Variants in COX15 observed in about 807,000 individuals in gnomAD.
COX15 encodes the protein heme A synthase COX15.
COX15 carries 51 observed loss-of-function variants against 51.9 expected under a neutral mutation model. That is an observed-to-expected ratio of 0.98 (90% confidence interval 0.78 to 1.24). COX15 has a LOEUF of 1.24. Among genes scored for constraint, COX15 ranks in the 50% most tolerant of loss-of-function variants. The pLI, the probability that COX15 is intolerant of heterozygous loss-of-function variation, is 0.00. For missense variants in COX15, 420 were observed against 501.1 expected (o/e 0.84, Z 1.55); for synonymous variants, 188 against 190.5 (o/e 0.99, Z 0.11).
At chr10:99,701,373 C>T in the COX15 span, among the ~76,000 whole-genome samples, 12 of 151,678 alleles carry the variant, frequency 7.9e-5, no homozygotes, top group Admixed American at 1.3e-4. Context: ...CTGCAACCTC[C>T]GCCTCCTGGG....
chr10:99,710,709 C>T, downstream of COX15: 1 of 985,372 alleles, frequency 1.0e-6, no homozygotes, highest in South Asian at 4.7e-5. Flanking sequence ...CCCAGGACCA[C>T]AAGGGTAGCT....
intron 5 of COX15, among the ~76,000 whole-genome samples, chr10:99,722,674 A>C (rs2036813809): frequency 6.6e-6 from 1 of 152,014 alleles, no homozygotes; most frequent in Non-Finnish European, 1.5e-5. Flanking sequence ...CTCTACTAAA[A>C]ATACAGAAAA....
Position 99,713,361 on chromosome 10 carries a change from A to C in COX15, c.*1226T>G, listed in dbSNP as rs2036460377. 1.9e-6 allele frequency: 3 copies of C among 1,613,194 alleles called. No homozygotes were observed. Among genetic ancestry groups the C allele is most frequent in the African/African-American group, 2.7e-5 (2 of 74,894 alleles). ...ATGGGGTCATTCTGGGACTGTTTTC[A>C]GTTGCCACTGTCATCTATTATATTA... On this transcript the variant is annotated 3_prime_UTR_variant, in exon 9 of 9. Transcript: ENST00000016171.
the COX15 span, chr10:99,702,657 C>T: frequency 6.8e-6 from 11 of 1,610,838 alleles, no homozygotes; most frequent in East Asian, 2.2e-5. Context: ...ATATAAAACA[C>T]GATTCTTACC....
At chr10:99,704,943 G>A in the COX15 span, 1 of 497,104 alleles carries the variant, frequency 2.0e-6, no homozygotes, top group Non-Finnish European at 3.7e-6. Flanking sequence ...AGTGAAGCAG[G>A]CTTCGACTCC....
rs1370628848 is a variant in COX15, at chr10:99,712,908, C to A, written c.*1679G>T. On this transcript the variant is annotated 3_prime_UTR_variant, in exon 9 of 9. Coordinates refer to ENST00000016171, the MANE Select transcript of COX15 (RefSeq NM_078470.6). Reference sequence around the variant, plus strand: ...TCTGCATGAGACGGCTTCAACTTCTCAAGGACAGGAATCTTGCTCTCTCTC... The same window carrying A: ...TCTGCATGAGACGGCTTCAACTTCTAAAGGACAGGAATCTTGCTCTCTCTC... 2 of 697,512 alleles carry A rather than the reference C, an allele frequency of 2.9e-6. No homozygotes were observed. Among genetic ancestry groups the A allele is most frequent in the Non-Finnish European group, 3.5e-6 (2 of 564,930 alleles). 43.2% of individuals were successfully genotyped at this position (697,512 alleles called of 1,614,324 possible). A position where few individuals can be genotyped will look rare whatever the true frequency, so the allele number is the denominator to read the frequency against.
intron 8 of COX15, 31 bp from the exon 9 acceptor site, chr10:99,714,749 G>A (rs373817857): frequency 1.9e-6 from 3 of 1,610,794 alleles, no homozygotes; most frequent in Non-Finnish European, 2.5e-6. Flanking sequence ...CAATAGGAAA[G>A]GCAGTAACCC....
At chr10:99,724,480 T>C (rs985138706) in intron 4 of COX15, among the ~76,000 whole-genome samples, 4 of 152,090 alleles carry the variant, frequency 2.6e-5, no homozygotes, top group Non-Finnish European at 5.9e-5. Flanking sequence ...ACACCCGGCC[T>C]GATCTGTTCA....
the COX15 span, chr10:99,704,523 A>G: frequency 4.3e-6 from 7 of 1,613,982 alleles, no homozygotes; most frequent in Admixed American, 3.3e-5. Flanking sequence ...TACAACCACT[A>G]TCTCTTCTTT....
chr10:99,711,821 T>C lies in COX15; in HGVS notation c.*2766A>G. On this transcript the variant is annotated 3_prime_UTR_variant, in exon 9 of 9. Coordinates refer to ENST00000016171, the MANE Select transcript of COX15 (RefSeq NM_078470.6). ...AATCACCTGTGTTAGTCGGCTTGCA[T>C]TGCTATAAGGAAATACTGACAATTT... The C allele has an allele frequency of 2.0e-6, 2 of 985,430 alleles. No homozygotes were observed. Among genetic ancestry groups the C allele is most frequent in the Non-Finnish European group, 2.4e-6 (2 of 829,958 alleles). 61.0% of individuals were successfully genotyped at this position (985,430 alleles called of 1,614,324 possible). A position where few individuals can be genotyped will look rare whatever the true frequency, so the allele number is the denominator to read the frequency against.
At chr10:99,695,015 T>G in the COX15 span, among the ~76,000 whole-genome samples, 1 of 152,120 alleles carries the variant, frequency 6.6e-6, no homozygotes, top group Non-Finnish European at 1.5e-5. Context: ...TGGAATGAGA[T>G]TAAGTATGAA....
intron 8 of COX15, among the ~76,000 whole-genome samples, chr10:99,715,142 T>G (rs2036525595): frequency 6.6e-6 from 1 of 152,014 alleles, no homozygotes; most frequent in African/African-American, 2.4e-5. Flanking sequence ...GTTTTTTTTG[T>G]TTTGTTTTGT....
At chr10:99,698,409 C>T in the COX15 span, 1 of 928,240 alleles carries the variant, frequency 1.1e-6, no homozygotes, top group Non-Finnish European at 1.6e-6. Context: ...GCACTCCATC[C>T]TCGTTTCTAG....
intron 3 of COX15, 129 bp from the exon 4 acceptor site, chr10:99,727,283 G>A (rs1364682007): frequency 5.8e-5 from 83 of 1,424,032 alleles, no homozygotes; most frequent in Non-Finnish European, 6.9e-5. Flanking sequence ...CCTCATCAAC[G>A]ACCTCAGGAT....
intron 5 of COX15, among the ~76,000 whole-genome samples, chr10:99,721,590 A>C (rs1206804715): frequency 6.6e-6 from 1 of 152,224 alleles, no homozygotes; most frequent in Non-Finnish European, 1.5e-5. Context: ...AATACTAATA[A>C]GTGAATCATC....
chr10:99,704,256 G>A, the COX15 span, among the ~76,000 whole-genome samples: 7 of 152,152 alleles, frequency 4.6e-5, no homozygotes, highest in Admixed American at 1.3e-4. Flanking sequence ...TCTGGGGGCC[G>A]TGGGAAGGAA....
intron 5 of COX15, among the ~76,000 whole-genome samples, chr10:99,721,739 T>A (rs1023177611): frequency 6.6e-6 from 1 of 152,144 alleles, no homozygotes; most frequent in Non-Finnish European, 1.5e-5. Flanking sequence ...CTTTCTGTGA[T>A]GGAAAAGTTC....
chr10:99,714,860 C>T (rs934727343), intron 8 of COX15, 142 bp from the exon 9 acceptor site: 1 of 1,438,006 alleles, frequency 7.0e-7, no homozygotes, highest in Non-Finnish European at 9.4e-7. Flanking sequence ...ATTTCACAAG[C>T]AAATATGCTT....
the COX15 span, chr10:99,696,172 G>A: frequency 1.3e-6 from 2 of 1,591,314 alleles, no homozygotes; most frequent in Non-Finnish European, 1.7e-6. Context: ...TCAGGCTGCA[G>A]ATATTAGGGA....
Sources: allele counts gnomAD v4.1 joint callset (sites outside exome capture counted in the v4.1 genomes callset), GRCh38; gene constraint gnomAD v4.1.1; transcripts MANE v1.5; gene names NCBI Gene and HGNC (gene_info 2026-07-23, HGNC 2026-07-21).